The following KIDINS220 variants were observed in gnomAD, a reference collection of about 807,000 sequenced individuals.
The protein encoded by KIDINS220 is kinase D-interacting substrate of 220 kDa.
KIDINS220 carries 63 observed loss-of-function variants against 157.6 expected under a neutral mutation model. The observed-to-expected ratio is 0.40, with a 90% CI of 0.33 to 0.49. The LOEUF (loss-of-function observed/expected upper bound fraction) is 0.49, where lower values mean the gene tolerates loss of function less well. Among genes scored for constraint, KIDINS220 ranks in the 20% least tolerant of loss-of-function variants. KIDINS220 has a pLI of 0.66. For synonymous variants in KIDINS220, 732 were observed against 783.6 expected (o/e 0.93, Z 1.10); for missense variants, 1,772 against 2,171.2 (o/e 0.82, Z 3.65).
At chr2:8,810,280 A>C (rs1198506933) in intron 6 of KIDINS220, among the ~76,000 whole-genome samples, 1 of 152,156 alleles carries the variant, frequency 6.6e-6, no homozygotes, top group Non-Finnish European at 1.5e-5. Context: ...TTCTCTAAAC[A>C]GAGATCATTT....
Position 8,818,703 on chromosome 2 carries a change from C to A in KIDINS220, c.199G>T (p.Glu67Ter). 1 of 1,553,760 alleles carries A rather than the reference C, an allele frequency of 6.4e-7. No homozygotes were observed. Among genetic ancestry groups the A allele is most frequent in the South Asian group, 1.1e-5 (1 of 87,984 alleles). The change falls in exon 3 of 30, where the codon GAA becomes TAA. Residue 67 changes from glutamate to a stop codon, truncating the protein, a stop_gained. Coordinates refer to ENST00000256707, the MANE Select transcript of KIDINS220 (RefSeq NM_020738.4). LOFTEE classifies it high-confidence loss of function. ...LIKNGANCNL[E>*]DLDNWTALIS... The stretch of plus-strand genomic sequence containing the variant: ...ATTATTTTAATATATACCAAATCTT[C>A]CAGATTGCAGTTAGCTCCATTCTTA...
At chr2:8,727,819 T>C (rs780566346), downstream of KIDINS220, among the ~76,000 whole-genome samples, 1 of 152,252 alleles carries the variant, frequency 6.6e-6, no homozygotes, top group Non-Finnish European at 1.5e-5. Context: ...TTGGTTATTA[T>C]GAATGCTTAA....
intron 1 of KIDINS220, among the ~76,000 whole-genome samples, chr2:8,833,980 G>C (rs970795558): frequency 6.6e-6 from 1 of 152,128 alleles, no homozygotes; most frequent in Non-Finnish European, 1.5e-5. Flanking sequence ...GTGCCATGCT[G>C]CCCAAGGCTT....
chr2:8,754,619 T>G (rs1347935049), intron 22 of KIDINS220, among the ~76,000 whole-genome samples: 1 of 152,230 alleles, frequency 6.6e-6, no homozygotes, highest in Admixed American at 6.5e-5. Flanking sequence ...TACTTGTTAA[T>G]GCCAACATCA....
chr2:8,746,689 A>G (rs2148030165), intron 26 of KIDINS220: 1 of 154,094 alleles, frequency 6.5e-6, no homozygotes, highest in Non-Finnish European at 1.4e-5. Flanking sequence ...TTAAAGATGC[A>G]TTTTTAGTCT....
chr2:8,726,408 G>A (rs144958983), downstream of KIDINS220, among the ~76,000 whole-genome samples: 6 of 152,310 alleles, frequency 3.9e-5, no homozygotes, highest in East Asian at 1.9e-4. Flanking sequence ...TGACCAGGTC[G>A]GTGACAATAT....
chr2:8,726,856 A>T (rs935926534), downstream of KIDINS220: 1 of 1,197,948 alleles, frequency 8.3e-7, no homozygotes. Flanking sequence ...ATATGACTGC[A>T]GCTGACTTCG....
rs369028313 is a variant in KIDINS220 at position 8,778,917 on chromosome 2, C to T, written c.2593G>A (p.Val865Ile). 3.8e-5 allele frequency: 62 copies of T among 1,614,148 alleles called. No individual in the cohort carries two copies. In the African/African-American group the frequency reaches 6.3e-4, roughly 16 times the overall value. ...TTACCTGTAGTATCTGAGCATGGAA[C>T]GTCTCCATTTGTTGCTGAAGTTACG... ...FLVTSATNGD[V>I]PCSDTTGIQE... is the part of the protein sequence containing the mutation. Residue 865 changes from valine (V) to isoleucine (I), a missense_variant, in exon 19 of 30, where the codon GTT becomes ATT. By Grantham distance (29) the Val-to-Ile change is conservative. Coordinates refer to ENST00000256707, the MANE Select transcript of KIDINS220 (RefSeq NM_020738.4).
At position 8,730,810 on chromosome 2, in the gene KIDINS220, G is replaced by A. The variant is rs753556125; in HGVS notation, c.5226C>T (p.Tyr1742=). 2 of 1,614,126 alleles carry A rather than the reference G, an allele frequency of 1.2e-6. No individual in the cohort carries two copies. The highest frequency in any genetic ancestry group is 3.3e-5 in the Admixed American group (2 of 60,014). The change falls in exon 30 of 30, where the codon TAC becomes TAT. Residue 1742 remains tyrosine (Y), a synonymous_variant. Transcript: ENST00000256707. ...CCGGAGGATCTTTGGAGAGCCTTGT[G>A]TAACTTGAACGTTGGCTTCGCTTAT... ...MTHKRSQRSS[Y]TRLSKDPPEL...
chr2:8,732,488 T>G (rs1281732633), intron 29 of KIDINS220, among the ~76,000 whole-genome samples: 1 of 152,204 alleles, frequency 6.6e-6, no homozygotes, highest in Admixed American at 6.5e-5. Flanking sequence ...ATGAGGCCAA[T>G]AGTTGGGCCT....
intron 26 of KIDINS220, among the ~76,000 whole-genome samples, chr2:8,745,439 C>T (rs1241446628): frequency 1.3e-5 from 2 of 152,282 alleles, no homozygotes; most frequent in East Asian, 1.9e-4. Context: ...AACCTCTCAA[C>T]GAAAGCACCA....
At chr2:8,755,490 T>C (rs1053619855) in intron 22 of KIDINS220, among the ~76,000 whole-genome samples, 2 of 152,208 alleles carry the variant, frequency 1.3e-5, no homozygotes, top group Admixed American at 1.3e-4. Context: ...TGTTGTCCAA[T>C]AAATATTTGT....
intron 14 of KIDINS220, among the ~76,000 whole-genome samples, chr2:8,789,156 C>T (rs1042611567): frequency 3.4e-5 from 5 of 146,424 alleles, no homozygotes; most frequent in Non-Finnish European, 6.0e-5. Context: ...CTGAAGACAC[C>T]CCCAAGAATA....
chr2:8,811,138 T>C (rs1360273880), intron 6 of KIDINS220, among the ~76,000 whole-genome samples: 1 of 152,226 alleles, frequency 6.6e-6, no homozygotes, highest in East Asian at 1.9e-4. Flanking sequence ...AAGAAATTTA[T>C]GCACAGAATC....
chr2:8,818,475 A>G (rs1276712752), intron 3 of KIDINS220, among the ~76,000 whole-genome samples: 1 of 152,202 alleles, frequency 6.6e-6, no homozygotes, highest in African/African-American at 2.4e-5. Context: ...CTATTCAGCC[A>G]GTCTCATCCA....
In KIDINS220 at chr2:8,817,703, G is replaced by C; in HGVS notation, c.221C>G (p.Ala74Gly). Residue 74 changes from alanine (A) to glycine (G), a missense_variant, in exon 4 of 30, where the codon GCA (alanine) becomes GGA (glycine). This residue lies in a region of KIDINS220 where 254 missense variants were observed against 268.6 expected (regional missense o/e 0.95). Transcript: ENST00000256707. ...CCCTTCTTTCGATGCAGATATAAGT[G>C]CTGTCCAATTATCCTTGAACATATA... ...CNLEDLDNWTALISASKEGHV... is the reference protein window; with the variant it reads ...CNLEDLDNWTGLISASKEGHV... The C allele has an allele frequency of 6.3e-7, 1 of 1,599,100 alleles. No homozygotes were observed. The highest frequency in any genetic ancestry group is 8.5e-7 in the Non-Finnish European group (1 of 1,171,740).
Position 8,806,263 on chromosome 2 carries a change from A to T in KIDINS220, c.603+8T>A, listed in dbSNP as rs1675441433. On this transcript the variant is annotated splice_region_variant and intron_variant, in intron 7 of 29. Coordinates refer to ENST00000256707, the MANE Select transcript of KIDINS220 (RefSeq NM_020738.4). ...CTATTGCCAAGCATTAAAATATAAG[A>T]TACTTACAGCTCCTTCTTGATCCAC... is the stretch of plus-strand genomic sequence containing the variant. The T allele has an allele frequency of 6.4e-7, 1 of 1,564,854 alleles. No homozygotes were observed. Among genetic ancestry groups the T allele is most frequent in the Admixed American group, 1.8e-5 (1 of 54,904 alleles).
intron 1 of KIDINS220, among the ~76,000 whole-genome samples, chr2:8,836,185 A>G (rs1461900362): frequency 1.3e-5 from 2 of 151,908 alleles, no homozygotes; most frequent in Non-Finnish European, 2.9e-5. Context: ...AGGTGACTGA[A>G]GAATGGAGCT....
intron 15 of KIDINS220, 74 bp from the exon 16 acceptor site, chr2:8,786,431 G>T: frequency 8.8e-7 from 1 of 1,131,298 alleles, no homozygotes; most frequent in Non-Finnish European, 1.3e-6. Flanking sequence ...TGTCATCTTT[G>T]CATCACTTAC....
Sources: allele counts gnomAD v4.1 joint callset (sites outside exome capture counted in the v4.1 genomes callset), GRCh38; gene constraint gnomAD v4.1.1; regional missense constraint gnomAD v4.1.1; transcripts MANE v1.5; gene names NCBI Gene and HGNC (gene_info 2026-07-23, HGNC 2026-07-21).